The following OPCML variants were observed in gnomAD, a reference collection of about 807,000 sequenced individuals.
OPCML encodes opioid binding protein/cell adhesion molecule like, also known as opioid-binding protein/cell adhesion molecule.
Under a neutral mutation model 37.8 loss-of-function variants are expected in OPCML, and 13 were observed. The observed-to-expected ratio is 0.34, with a 90% CI of 0.22 to 0.55. The LOEUF (loss-of-function observed/expected upper bound fraction) is 0.55. OPCML is among the 20% of genes least tolerant of loss of function. The pLI, the probability that OPCML is intolerant of heterozygous loss-of-function variation, is 0.91. For missense variants in OPCML, 341 were observed against 435.6 expected (o/e 0.78, Z 1.93); for synonymous variants, 176 against 168.8 (o/e 1.04, Z -0.33).
chr11:132,633,704 G>C (rs1361537304), intron 3 of OPCML, among the ~76,000 whole-genome samples: 1 of 152,140 alleles, frequency 6.6e-6, no homozygotes, highest in Non-Finnish European at 1.5e-5. Context: ...TCTTCTCCCT[G>C]GTGGTAAGGG....
intron 1 of OPCML, among the ~76,000 whole-genome samples, chr11:132,982,905 T>C (rs76825080): frequency 0.014 from 2,183 of 152,300 alleles, 66 homozygotes; most frequent in African/African-American, 0.05. Context: ...CTTTCTTGGG[T>C]GGCTTGGCCC....
chr11:133,497,924 G>T (rs1190801905), intron 1 of OPCML, among the ~76,000 whole-genome samples: 1 of 152,244 alleles, frequency 6.6e-6, no homozygotes, highest in Non-Finnish European at 1.5e-5. Context: ...GAGAGACAGT[G>T]CACTGCACAC....
At chr11:133,018,073 G>A (rs1947371416) in intron 1 of OPCML, among the ~76,000 whole-genome samples, 1 of 152,198 alleles carries the variant, frequency 6.6e-6, no homozygotes, top group Non-Finnish European at 1.5e-5. Context: ...GTCTTCTCAA[G>A]GGTGGGGATC....
chr11:133,204,058 C>CAAAAAAAAAAAAAAAAAAAAAAAA (rs58343203), intron 1 of OPCML, among the ~76,000 whole-genome samples: 1 of 66,510 alleles, frequency 1.5e-5, no homozygotes, highest in Admixed American at 2.2e-4. Context: ...GACTCTGTCT[C>CAAAAAAAAAAAAAAAAAAAAAAAA]AAAAAAAAAA....
intron 2 of OPCML, among the ~76,000 whole-genome samples, chr11:132,825,857 C>T (rs1940290513): frequency 6.6e-6 from 1 of 152,154 alleles, no homozygotes; most frequent in Non-Finnish European, 1.5e-5. Flanking sequence ...AAGGAATATG[C>T]CCCTGGGCCG....
chr11:133,487,635 T>A (rs541734301), intron 1 of OPCML, among the ~76,000 whole-genome samples: 5 of 152,244 alleles, frequency 3.3e-5, no homozygotes, highest in Admixed American at 3.3e-4. Flanking sequence ...AATGTTTAAG[T>A]CTAATAACAG....
intron 1 of OPCML, among the ~76,000 whole-genome samples, chr11:133,210,372 C>G (rs1236138041): frequency 6.6e-6 from 1 of 152,092 alleles, no homozygotes; most frequent in Non-Finnish European, 1.5e-5. Flanking sequence ...CCTGCACTAT[C>G]CCCTCTTTCT....
intron 1 of OPCML, among the ~76,000 whole-genome samples, chr11:133,229,471 C>T (rs568318747): frequency 2.6e-5 from 4 of 152,116 alleles, no homozygotes; most frequent in East Asian, 3.9e-4. Flanking sequence ...AAAGGATTTT[C>T]CTTTTCCTGC....
chr11:132,673,660 G>A (rs560928741), intron 2 of OPCML, among the ~76,000 whole-genome samples: 1 of 152,162 alleles, frequency 6.6e-6, no homozygotes, highest in African/African-American at 2.4e-5. Context: ...TTCTGTTTTG[G>A]TCATTGAGTA....
chr11:132,829,735 G>T (rs1940577161), intron 2 of OPCML, among the ~76,000 whole-genome samples: 1 of 152,080 alleles, frequency 6.6e-6, no homozygotes, highest in Admixed American at 6.5e-5. Context: ...GTTTTTGGGG[G>T]TTTGCTTTGG....
At chr11:132,687,409 T>A (rs1430843614) in intron 2 of OPCML, among the ~76,000 whole-genome samples, 1 of 99,100 alleles carries the variant, frequency 1.0e-5, no homozygotes, top group African/African-American at 5.8e-5. Flanking sequence ...TATATATATA[T>A]ATATATATAT....
At chr11:133,504,229 C>T (rs926560459) in intron 1 of OPCML, among the ~76,000 whole-genome samples, 3 of 152,190 alleles carry the variant, frequency 2.0e-5, no homozygotes, top group East Asian at 1.9e-4. Context: ...AACACTTTCA[C>T]GGAGAACCCC....
intron 1 of OPCML, among the ~76,000 whole-genome samples, chr11:132,980,930 T>C (rs1946568230): frequency 1.3e-5 from 2 of 152,252 alleles, no homozygotes; most frequent in Non-Finnish European, 2.9e-5. Flanking sequence ...TAGGCAATCC[T>C]GTCATTGTGC....
At chr11:133,409,179 G>A (rs372174088) in intron 1 of OPCML, among the ~76,000 whole-genome samples, 4 of 152,132 alleles carry the variant, frequency 2.6e-5, no homozygotes, top group East Asian at 3.9e-4. Flanking sequence ...TACCCACTTC[G>A]CAGATGAGGA....
At chr11:132,655,763 A>G (rs1407320208) in intron 3 of OPCML, among the ~76,000 whole-genome samples, 1 of 152,044 alleles carries the variant, frequency 6.6e-6, no homozygotes, top group African/African-American at 2.4e-5. Context: ...AAAAGGAAAG[A>G]ATGGGCAACC....
At chr11:133,023,261 A>G (rs898164248) in intron 1 of OPCML, among the ~76,000 whole-genome samples, 7 of 152,188 alleles carry the variant, frequency 4.6e-5, no homozygotes, top group Admixed American at 2.0e-4. Context: ...TTGGCTGTCC[A>G]TTGACTTCCT....
In OPCML at chr11:133,381,161, A is replaced by G. The variant is rs534570334; in HGVS notation, c.61+151103T>C. ...TTAGAAATTGGACAGCTCAGGTGAC[A>G]TGGGCCCCTTAGTTGGATAAGGAGG... is the stretch of plus-strand genomic sequence containing the variant. On this transcript the variant is annotated intron_variant, in intron 1 of 7. Transcript: ENST00000524381. 9.2e-5 allele frequency among the ~76,000 whole-genome samples: 14 copies of G among 152,330 alleles called. No individual in the cohort carries two copies. In the South Asian group the frequency reaches 2.7e-3, roughly 29 times the overall value.
chr11:133,109,347 C>T (rs991428123), intron 1 of OPCML, among the ~76,000 whole-genome samples: 4 of 152,166 alleles, frequency 2.6e-5, no homozygotes, highest in Non-Finnish European at 4.4e-5. Context: ...GTTACCGCTG[C>T]TGGCTGGGGG....
chr11:133,374,159 G>A (rs1242461772), intron 1 of OPCML, among the ~76,000 whole-genome samples: 1 of 152,038 alleles, frequency 6.6e-6, no homozygotes, highest in Non-Finnish European at 1.5e-5. Context: ...TCATATAGTG[G>A]AATAGAAAGG....
Sources: allele counts gnomAD v4.1 joint callset (sites outside exome capture counted in the v4.1 genomes callset), GRCh38; gene constraint gnomAD v4.1.1; transcripts MANE v1.5; gene names NCBI Gene and HGNC (gene_info 2026-07-23, HGNC 2026-07-21).